Variants in SYNE2 observed in about 807,000 individuals in gnomAD.
SYNE2 encodes the protein nesprin-2.
A neutral mutation model predicts 856.3 loss-of-function variants in SYNE2; 431 were observed. That is an observed-to-expected ratio of 0.50 (90% CI 0.47 to 0.55). The LOEUF (loss-of-function observed/expected upper bound fraction) is 0.55, where lower values mean the gene tolerates loss of function less well. SYNE2 is among the 20% of genes least tolerant of loss of function. The pLI is 0.00. For synonymous variants in SYNE2, 2,923 were observed against 2,872.3 expected (o/e 1.02, Z -0.56); for missense variants, 8,129 against 8,023.2 (o/e 1.01, Z -0.50).
intron 45 of SYNE2, among the ~76,000 whole-genome samples, chr14:64,039,348 G>C (rs1176891497): frequency 6.6e-6 from 1 of 152,210 alleles, no homozygotes; most frequent in Non-Finnish European, 1.5e-5. Context: ...TCTTGTGACT[G>C]TGCTAACATG....
At chr14:64,155,288 A>G (rs2098276634) in intron 85 of SYNE2, among the ~76,000 whole-genome samples, 1 of 46,290 alleles carries the variant, frequency 2.2e-5, no homozygotes, top group South Asian at 4.7e-4. Flanking sequence ...TAGTACATAC[A>G]TATATATATA....
At chr14:64,139,230 A>G (rs1298842063) in intron 79 of SYNE2, among the ~76,000 whole-genome samples, 1 of 148,648 alleles carries the variant, frequency 6.7e-6, no homozygotes, top group Non-Finnish European at 1.5e-5. Flanking sequence ...CCATCCTCCC[A>G]CCTTGTTACC....
intron 99 of SYNE2, chr14:64,202,101 C>T (rs578167316): frequency 4.2e-5 from 29 of 683,554 alleles, no homozygotes; most frequent in Admixed American, 8.2e-5. Context: ...CGAGTTGGGC[C>T]GGATGGGAGC....
chr14:63,841,832 C>CTTTTTTTTTTT (rs34947861), intron 1 of SYNE2, among the ~76,000 whole-genome samples: 5 of 115,082 alleles, frequency 4.3e-5, no homozygotes, highest in South Asian at 2.8e-4. Flanking sequence ...TTCTTTCTTT[C>CTTTTTTTTTTT]TTTTTTTTTT....
Position 64,139,936 on chromosome 14 carries a change from G to C in SYNE2, c.14844-5G>C, listed in dbSNP as rs17825431. ...CTGCCTTCTCTCTCACTTTGCTCCTGTTAGTTATAACAGAGATTCGGATCA... is the reference window on the plus strand; with the variant it reads ...CTGCCTTCTCTCTCACTTTGCTCCTCTTAGTTATAACAGAGATTCGGATCA... On this transcript the variant is annotated splice_polypyrimidine_tract_variant and splice_region_variant and intron_variant, in intron 79 of 115. Transcript: ENST00000555002. 0.1 allele frequency: 166,357 copies of C among 1,613,276 alleles called. 9,708 individuals carry two copies. Among genetic ancestry groups the C allele is most frequent in the East Asian group, 0.22 (10,005 of 44,836 alleles).
At chr14:63,947,851 G>C (rs2096060564) in intron 6 of SYNE2, among the ~76,000 whole-genome samples, 1 of 151,930 alleles carries the variant, frequency 6.6e-6, no homozygotes, top group Non-Finnish European at 1.5e-5. Flanking sequence ...AAAAAAGAAA[G>C]AAAAGCTCAC....
rs556456219 is a variant in SYNE2, at chr14:64,094,488, T to C, written c.12108+1008T>C. ...AAACAACAACAACAAAAAAACGTGA[T>C]TGTATGCTAAGGGTAATAGAGAGCT... On this transcript the variant is annotated intron_variant, in intron 61 of 115. Transcript: ENST00000555002. Among the ~76,000 whole-genome samples the C allele has an allele frequency of 2.0e-5, 3 of 152,338 alleles. No homozygotes were observed. The South Asian group carries it at 6.2e-4, about 32-fold the overall frequency.
intron 96 of SYNE2, among the ~76,000 whole-genome samples, chr14:64,183,512 G>T (rs974028681): frequency 1.3e-5 from 2 of 152,128 alleles, no homozygotes; most frequent in South Asian, 2.1e-4. Context: ...CCCAGACAGG[G>T]TGGCGGCCGG....
At chr14:64,064,443 C>T (rs2097341967) in intron 50 of SYNE2, among the ~76,000 whole-genome samples, 1 of 151,440 alleles carries the variant, frequency 6.6e-6, no homozygotes, top group Non-Finnish European at 1.5e-5. Flanking sequence ...CACATTTTTT[C>T]CTTCTGGAAT....
At chr14:64,023,082 C>T (rs1178447841) in intron 38 of SYNE2, 2 of 518,030 alleles carry the variant, frequency 3.9e-6, no homozygotes, top group East Asian at 6.9e-5. Flanking sequence ...CATGGTGAAA[C>T]CTTATCTCTA....
At position 64,053,371 on chromosome 14, in the gene SYNE2, A is replaced by G; in HGVS notation, c.9458A>G (p.Asn3153Ser). 6.2e-7 allele frequency: 1 copy of G among 1,613,832 alleles called. No individual in the cohort carries two copies. Among genetic ancestry groups the G allele is most frequent in the Non-Finnish European group, 8.5e-7 (1 of 1,179,968 alleles). The change falls in exon 48 of 116, where the codon AAT (asparagine) becomes AGT (serine). Residue 3153 changes from asparagine (N) to serine (S), a missense_variant. Around this residue, in one of 3 missense-constraint regions of SYNE2, gnomAD observed 5,410 missense variants for 5,284.8 expected, o/e 1.02. Coordinates refer to ENST00000555002, the MANE Select transcript of SYNE2 (RefSeq NM_182914.3). The part of the protein sequence containing the change: ...ELSPKELDEK[N>S]CQDKLETSLH... ...TCACCAAAAGAATTGGATGAAAAGA[A>G]TTGTCAGGACAAACTAGAAACTTCC... is the stretch of plus-strand genomic sequence containing the variant.
At chr14:64,006,557 G>A (rs922395670) in intron 30 of SYNE2, among the ~76,000 whole-genome samples, 3 of 152,036 alleles carry the variant, frequency 2.0e-5, no homozygotes, top group Admixed American at 6.6e-5. Context: ...AGCCAGGCAC[G>A]GTAGCTCACA....
At chr14:64,083,566 G>A (rs992049826) in intron 57 of SYNE2, among the ~76,000 whole-genome samples, 1 of 152,206 alleles carries the variant, frequency 6.6e-6, no homozygotes, top group Admixed American at 6.5e-5. Flanking sequence ...AGGAAGTAGG[G>A]ACAAGGAAGG....
Position 64,025,015 on chromosome 14 carries a change from G to T in SYNE2, c.5944G>T (p.Ala1982Ser), listed in dbSNP as rs2096966702. Residue 1982 changes from alanine (A) to serine (S), a missense_variant, in exon 40 of 116, where the codon GCT becomes TCT. Physicochemically the swap from Ala to Ser is moderately conservative, Grantham distance 99. Transcript: ENST00000555002. ...PGEKTELFCQ[A>S]LARKREQFES... ...GGAGAAAACTGAGCTGTTCTGCCAA[G>T]CTTTAGCTAGAAAGAGGTATAGCTG... The T allele has an allele frequency of 6.2e-7, 1 of 1,614,074 alleles. No homozygotes were observed. The highest frequency in any genetic ancestry group is 1.3e-5 in the African/African-American group (1 of 75,050).
chr14:63,957,264 ATT>A (rs4027476), intron 8 of SYNE2, among the ~76,000 whole-genome samples: 19 of 110,800 alleles, frequency 1.7e-4, no homozygotes, highest in African/African-American at 4.0e-4. Context: ...TGCCCAGCTA[ATT>A]TTTTTTTTTT....
intron 83 of SYNE2, among the ~76,000 whole-genome samples, chr14:64,145,624 G>GA (rs2098177947): frequency 6.6e-6 from 1 of 151,866 alleles, no homozygotes; most frequent in African/African-American, 2.4e-5. Flanking sequence ...TTATGAATGA[G>GA]AATCACAGAC....
intron 87 of SYNE2, 145 bp downstream of exon 87, chr14:64,159,587 T>C (rs893271678): frequency 5.3e-6 from 5 of 945,516 alleles, no homozygotes; most frequent in Non-Finnish European, 6.4e-6. Flanking sequence ...CTTTGATGAA[T>C]CTAGTCTATG....
At chr14:63,849,860 A>G (rs1211355857), upstream of SYNE2, among the ~76,000 whole-genome samples, 1 of 152,140 alleles carries the variant, frequency 6.6e-6, no homozygotes, top group Non-Finnish European at 1.5e-5. Flanking sequence ...ACGCTGTGCA[A>G]GTATATGCGG....
Position 64,202,927 on chromosome 14 carries a change from T to C in SYNE2, c.18165T>C (p.Asp6055=), listed in dbSNP as rs1567631199. 1.2e-6 allele frequency: 2 copies of C among 1,614,252 alleles called. No homozygotes were observed. The highest frequency in any genetic ancestry group is 1.7e-6 in the Non-Finnish European group (2 of 1,180,040). Residue 6055 remains aspartate, a synonymous_variant, in exon 100 of 116, where the codon GAT becomes GAC. Coordinates refer to ENST00000555002, the MANE Select transcript of SYNE2 (RefSeq NM_182914.3). ...AGCCTGTTGTTTATGATGTCTGCGA[T>C]GATCAAGAGATCCAGAAGAGGCTCG... ...LSKPVVYDVC[D]DQEIQKRLAE...
Sources: gnomAD v4.1 joint callset for allele counts (sites outside exome capture counted in the v4.1 genomes callset) on GRCh38, gnomAD v4.1.1 for gene constraint, gnomAD v4.1.1 regional missense constraint, MANE v1.5 for transcripts, NCBI Gene and HGNC (gene_info 2026-07-23, HGNC 2026-07-21) for gene names.